The following KCNK17 variants were observed in gnomAD, a reference collection of about 807,000 sequenced individuals.
KCNK17 encodes the protein potassium channel subfamily K member 17.
Under a neutral mutation model 24.6 loss-of-function variants are expected in KCNK17, and 27 were observed. That is an observed-to-expected ratio of 1.10 (90% confidence interval 0.81 to 1.51). The LOEUF (loss-of-function observed/expected upper bound fraction) is 1.51. Ranked by LOEUF, KCNK17 falls within the 40% of genes most tolerant of loss-of-function variation. The pLI, the probability that KCNK17 is intolerant of heterozygous loss-of-function variation, is 0.00. For synonymous variants in KCNK17, 181 were observed against 189.8 expected, an observed-to-expected ratio of 0.95 and a Z score of 0.38; for missense variants, 450 against 436.6, an observed-to-expected ratio of 1.03 and a Z score of -0.27.
intron 4 of KCNK17, chr6:39,300,622 T>C (rs1761937141): frequency 1.6e-6 from 2 of 1,253,030 alleles, no homozygotes; most frequent in Non-Finnish European, 2.3e-6. Context: ...ACCTGTGAGA[T>C]GGGGAATACG....
intron 2 of KCNK17, 135 bp from the exon 3 acceptor site, chr6:39,304,790 A>G: frequency 1.1e-6 from 1 of 903,448 alleles, no homozygotes. Flanking sequence ...GATACTTACC[A>G]AGGCCCTCCT....
At chr6:39,305,564 G>T (rs1762021317) in intron 2 of KCNK17, among the ~76,000 whole-genome samples, 1 of 152,190 alleles carries the variant, frequency 6.6e-6, no homozygotes, top group African/African-American at 2.4e-5. Flanking sequence ...GTTCATAAAA[G>T]ATTCTATCCA....
rs1319568292 is a variant in KCNK17 at position 39,304,145 on chromosome 6, A to G, written c.514-14T>C. ...CTTGTCAGGATCCTGTGGGTGCAAC[A>G]TTGTCCCCAGGCCTCCTGAGGCCTT... On this transcript the variant is annotated splice_polypyrimidine_tract_variant and intron_variant, in intron 3 of 4. Coordinates refer to ENST00000373231, the MANE Select transcript of KCNK17 (RefSeq NM_031460.4). 1.9e-6 allele frequency: 3 copies of G among 1,604,066 alleles called. No individual in the cohort carries two copies. Among genetic ancestry groups the G allele is most frequent in the African/African-American group, 2.7e-5 (2 of 74,792 alleles).
chr6:39,310,456 C>T (rs1002167590), intron 2 of KCNK17, among the ~76,000 whole-genome samples: 3 of 152,060 alleles, frequency 2.0e-5, no homozygotes, highest in Non-Finnish European at 4.4e-5. Flanking sequence ...AAAGCTCTTT[C>T]TTTGGATTTC....
rs1374109929 is a variant in KCNK17 at position 39,304,508 on chromosome 6, C to T, written c.500G>A (p.Gly167Glu). The T allele has an allele frequency of 1.2e-6, 2 of 1,613,416 alleles. No individual in the cohort carries two copies. Among genetic ancestry groups the T allele is most frequent in the East Asian group, 4.5e-5 (2 of 44,852 alleles). ...CAGCCCCCTCACCTGCCAGGTGCCCCCCAGCCTGCTGGCCCAGTGGTTTAC... is the reference window on the plus strand; with the variant it reads ...CAGCCCCCTCACCTGCCAGGTGCCCTCCAGCCTGCTGGCCCAGTGGTTTAC... Reference protein sequence around the residue: ...QGVNHWASRLGGTWQDPDKAR... With the variant: ...QGVNHWASRLEGTWQDPDKAR... The change falls in exon 3 of 5, where the codon GGG becomes GAG. Residue 167 changes from glycine to glutamate, a missense_variant. By Grantham distance (98) the Gly-to-Glu change is moderately conservative. Coordinates refer to ENST00000373231, the MANE Select transcript of KCNK17 (RefSeq NM_031460.4).
At position 39,303,971 on chromosome 6, in the gene KCNK17, C is replaced by A; in HGVS notation, c.674G>T (p.Gly225Val). The change falls in exon 4 of 5, where the codon GGC becomes GTC. Residue 225 changes from glycine (G) to valine (V), a missense_variant. Transcript: ENST00000373231. ...AFITLSTVGF[G>V]DYVIGMNPSQ... is the part of the protein sequence containing the mutation. Reference sequence around the variant, plus strand: ...GGAACTCTCACCAATCACGTAGTCGCCGAAGCCCACGGTGCTGAGGGTGAT... The same window carrying A: ...GGAACTCTCACCAATCACGTAGTCGACGAAGCCCACGGTGCTGAGGGTGAT... 1.2e-6 allele frequency: 2 copies of A among 1,612,856 alleles called. No individual in the cohort carries two copies. The highest frequency in any genetic ancestry group is 2.7e-5 in the African/African-American group (2 of 75,048).
chr6:39,304,883 T>C (rs1762009579), intron 2 of KCNK17, among the ~76,000 whole-genome samples: 1 of 152,216 alleles, frequency 6.6e-6, no homozygotes. Flanking sequence ...AAATCAGAAT[T>C]ATGTGCCATA....
In KCNK17 at chr6:39,299,679, G is replaced by T; in HGVS notation, c.747C>A (p.Ile249=). 1 of 1,614,166 alleles carries T rather than the reference G, an allele frequency of 6.2e-7. No individual in the cohort carries two copies. The highest frequency in any genetic ancestry group is 8.5e-7 in the Non-Finnish European group (1 of 1,180,016). ...LWYKNMVSLW[I]LFGMAWLALI... Reference sequence around the variant, plus strand: ...AGGCCAGCCATGCCATCCCAAAGAGGATCCACAGGGACACCATGTTCTTGT... The same window carrying T: ...AGGCCAGCCATGCCATCCCAAAGAGTATCCACAGGGACACCATGTTCTTGT... Residue 249 remains isoleucine (I), a synonymous_variant, in exon 5 of 5, where the codon ATC becomes ATA. Transcript: ENST00000373231.
At chr6:39,299,796 A>G in intron 4 of KCNK17, 59 bp from the exon 5 acceptor site, 1 of 1,518,186 alleles carries the variant, frequency 6.6e-7, no homozygotes, top group Non-Finnish European at 9.0e-7. Context: ...CACATTCCCC[A>G]AACAGAAACA....
At chr6:39,302,679 G>A (rs1761966624) in intron 4 of KCNK17, among the ~76,000 whole-genome samples, 2 of 152,314 alleles carry the variant, frequency 1.3e-5, no homozygotes, top group South Asian at 4.1e-4. Flanking sequence ...TCTGAGCTGC[G>A]AGGGTGCAGG....
At chr6:39,307,671 AG>A (rs1762059055) in intron 2 of KCNK17, among the ~76,000 whole-genome samples, 2 of 152,170 alleles carry the variant, frequency 1.3e-5, no homozygotes, top group African/African-American at 4.8e-5. Context: ...GGTCAGCAAA[AG>A]GATGTCACCT....
intron 2 of KCNK17, among the ~76,000 whole-genome samples, chr6:39,307,555 G>A (rs1258023135): frequency 6.6e-6 from 1 of 152,176 alleles, no homozygotes; most frequent in Non-Finnish European, 1.5e-5. Context: ...GCGGGATGGG[G>A]ACACTAAGAT....
At chr6:39,306,865 A>T (rs1762047310) in intron 2 of KCNK17, among the ~76,000 whole-genome samples, 1 of 148,210 alleles carries the variant, frequency 6.7e-6, no homozygotes, top group South Asian at 2.1e-4. Flanking sequence ...CCCTGGTTTC[A>T]GCGATTATCC....
At position 39,310,171 on chromosome 6, in the gene KCNK17, T is replaced by A. The variant is rs1314921306; in HGVS notation, c.352+722A>T. Among the ~76,000 whole-genome samples, 3 of 152,232 alleles carry A rather than the reference T, an allele frequency of 2.0e-5. No individual in the cohort carries two copies. The East Asian group carries it at 5.8e-4, about 29-fold the overall frequency. ...AGGAGTTGGGGCAGAAGGATCTGGG[T>A]GGCTCGACTTGCATGATTTCCTGGG... On this transcript the variant is annotated intron_variant, in intron 2 of 4. Transcript: ENST00000373231.
At position 39,314,085 on chromosome 6, in the gene KCNK17, C is replaced by T; in HGVS notation, c.236G>A (p.Arg79Gln). The T allele has an allele frequency of 3.2e-6, 5 of 1,578,326 alleles. No homozygotes were observed. The highest frequency in any genetic ancestry group is 2.3e-5 in the South Asian group (2 of 87,672). ...AGGCCGACGCCGCTCGCCCCTGACCCGGATCAGCGAGTCCAGCGCCGGGCG... is the reference window on the plus strand; with the variant it reads ...AGGCCGACGCCGCTCGCCCCTGACCTGGATCAGCGAGTCCAGCGCCGGGCG... ...LDRPALDSLI[R>Q]DVVQAYKNGA... Residue 79 changes from arginine to glutamine, a missense_variant and splice_region_variant, in exon 1 of 5, where the codon CGG becomes CAG. Physicochemically the swap from Arg to Gln is conservative, Grantham distance 43 (BLOSUM62 1). Transcript: ENST00000373231.
chr6:39,302,222 G>A (rs1344534575), intron 4 of KCNK17, among the ~76,000 whole-genome samples: 1 of 152,174 alleles, frequency 6.6e-6, no homozygotes, highest in African/African-American at 2.4e-5. Context: ...TGGCCGCTGG[G>A]CAGGAGTGTT....
At chr6:39,304,324 C>A in intron 3 of KCNK17, 171 bp downstream of exon 3, 1 of 772,892 alleles carries the variant, frequency 1.3e-6, no homozygotes, top group Non-Finnish European at 2.1e-6. Flanking sequence ...CCATCTCCAC[C>A]ATTAATGCCC....
chr6:39,312,177 T>G (rs1762151543), intron 1 of KCNK17, among the ~76,000 whole-genome samples: 1 of 152,058 alleles, frequency 6.6e-6, no homozygotes, highest in African/African-American at 2.4e-5. Flanking sequence ...ATTGTGAGGG[T>G]GTGTGGACAT....
chr6:39,299,612 T>C lies in KCNK17; in HGVS notation c.814A>G (p.Arg272Gly). 6.2e-7 allele frequency: 1 copy of C among 1,614,090 alleles called. No individual in the cohort carries two copies. The highest frequency in any genetic ancestry group is 8.5e-7 in the Non-Finnish European group (1 of 1,180,012). The change falls in exon 5 of 5, where the codon AGG (arginine) becomes GGG (glycine). Residue 272 changes from arginine (R) to glycine (G), a missense_variant. Coordinates refer to ENST00000373231, the MANE Select transcript of KCNK17 (RefSeq NM_031460.4). Reference protein sequence around the residue: ...LILSQLETPGRVCSCCHHSSK... With the variant: ...LILSQLETPGGVCSCCHHSSK... ...CTGTGGTGGCAGCAGGAACATACCC[T>C]CCCTGGCGTCTCCAGCTGGGAGAGG...
Sources: allele counts gnomAD v4.1 joint callset (sites outside exome capture counted in the v4.1 genomes callset), GRCh38; gene constraint gnomAD v4.1.1; transcripts MANE v1.5; gene names NCBI Gene and HGNC (gene_info 2026-07-23, HGNC 2026-07-21).